LSAMP: variants seen among roughly 807,000 people sequenced by gnomAD.
LSAMP encodes the protein limbic system associated membrane protein, also known as limbic system-associated membrane protein.
A neutral mutation model predicts 38.6 loss-of-function variants in LSAMP; 7 were observed. That is an observed-to-expected ratio of 0.18 (90% confidence interval 0.10 to 0.34). The LOEUF (loss-of-function observed/expected upper bound fraction) is 0.34, where lower values mean the gene tolerates loss of function less well. LSAMP is among the 10% of genes least tolerant of loss of function. The probability of loss-of-function intolerance (pLI) is 1.00; values close to 1 mark genes in which losing one functional copy is unlikely to be tolerated. For synonymous variants in LSAMP, 154 were observed against 166.8 expected, an observed-to-expected ratio of 0.92 and a Z score of 0.59; for missense variants, 313 against 420.0, an observed-to-expected ratio of 0.75 and a Z score of 2.23.
chr3:116,391,945 A>G (rs1463662413), intron 1 of LSAMP, among the ~76,000 whole-genome samples: 1 of 151,868 alleles, frequency 6.6e-6, no homozygotes, highest in Non-Finnish European at 1.5e-5. Context: ...CAACCCTGAC[A>G]CTCCAAATGG....
intron 1 of LSAMP, among the ~76,000 whole-genome samples, chr3:116,260,877 T>C (rs992808073): frequency 3.3e-5 from 5 of 152,186 alleles, no homozygotes; most frequent in Non-Finnish European, 5.9e-5. Context: ...CTAAGTGCTT[T>C]TCCTTGAGTG....
At chr3:116,124,476 G>A (rs1317118717) in intron 1 of LSAMP, among the ~76,000 whole-genome samples, 1 of 152,068 alleles carries the variant, frequency 6.6e-6, no homozygotes, top group Non-Finnish European at 1.5e-5. Context: ...AGTCATTTGG[G>A]AAAAACCAAA....
At chr3:116,131,213 G>A (rs775400237) in intron 1 of LSAMP, among the ~76,000 whole-genome samples, 5 of 151,706 alleles carry the variant, frequency 3.3e-5, no homozygotes, top group Non-Finnish European at 5.9e-5. Flanking sequence ...GGATGGTCTC[G>A]ATCTCCTGAC....
At chr3:115,879,110 C>T (rs970718544) in intron 3 of LSAMP, among the ~76,000 whole-genome samples, 1 of 152,124 alleles carries the variant, frequency 6.6e-6, no homozygotes, top group African/African-American at 2.4e-5. Flanking sequence ...AAGTTTATGT[C>T]ATTATTACCA....
intron 1 of LSAMP, among the ~76,000 whole-genome samples, chr3:116,296,372 T>G (rs1488922381): frequency 1.3e-5 from 2 of 151,864 alleles, no homozygotes; most frequent in Non-Finnish European, 2.9e-5. Flanking sequence ...AGCAAGGGAG[T>G]GTCCAACAGG....
In LSAMP at chr3:116,135,989, A is replaced by G. The variant is rs149308114; in HGVS notation, c.156-49433T>C. Among the ~76,000 whole-genome samples, 1,218 of 152,262 alleles carry G rather than the reference A, an allele frequency of 8.0e-3. 14 individuals carry two copies. Among genetic ancestry groups the G allele is most frequent in the Middle Eastern group, 0.027 (8 of 294 alleles). On this transcript the variant is annotated intron_variant, in intron 1 of 6. Transcript: ENST00000490035. ...TACCCATGTTTGATGGCCTCACACA[A>G]GCAAGGTCCTTGTCTTAAGTAGCAC...
chr3:116,283,194 A>T (rs1203349785), intron 1 of LSAMP, among the ~76,000 whole-genome samples: 1 of 149,950 alleles, frequency 6.7e-6, no homozygotes, highest in Non-Finnish European at 1.5e-5. Flanking sequence ...GGAAAAAAAA[A>T]GTACCTAGAA....
intron 3 of LSAMP, among the ~76,000 whole-genome samples, chr3:115,932,545 A>G (rs1018290481): frequency 5.9e-5 from 9 of 152,234 alleles, no homozygotes; most frequent in African/African-American, 2.2e-4. Context: ...ATGTGAAGAG[A>G]AGAGAAACAG....
intron 1 of LSAMP, among the ~76,000 whole-genome samples, chr3:116,229,164 T>G (rs1361679118): frequency 6.6e-6 from 1 of 152,140 alleles, no homozygotes; most frequent in Non-Finnish European, 1.5e-5. Context: ...AGAAGTATAG[T>G]GTTATTCTAT....
intron 1 of LSAMP, among the ~76,000 whole-genome samples, chr3:116,291,282 A>G (rs2047263873): frequency 6.6e-6 from 1 of 152,172 alleles, no homozygotes; most frequent in African/African-American, 2.4e-5. Context: ...GAGTATAGCT[A>G]GGTCTTTGAG....
intron 3 of LSAMP, among the ~76,000 whole-genome samples, chr3:115,886,887 G>A (rs1936467927): frequency 6.6e-6 from 1 of 151,994 alleles, no homozygotes; most frequent in East Asian, 1.9e-4. Context: ...TGTTCAAATG[G>A]TTGAGTGTTT....
At chr3:115,861,818 TTTAGC>T (rs1298257548) in intron 3 of LSAMP, among the ~76,000 whole-genome samples, 1 of 151,464 alleles carries the variant, frequency 6.6e-6, no homozygotes, top group Non-Finnish European at 1.5e-5. Flanking sequence ...GGTAAGAGAT[TTTAGC>T]TAACTGTGGA....
At chr3:116,174,756 C>T (rs962845090) in intron 1 of LSAMP, among the ~76,000 whole-genome samples, 11 of 152,000 alleles carry the variant, frequency 7.2e-5, no homozygotes, top group Non-Finnish European at 2.9e-5. Flanking sequence ...CTCACTCAAT[C>T]CAAATCATGG....
intron 1 of LSAMP, among the ~76,000 whole-genome samples, chr3:116,115,343 A>G (rs917899206): frequency 6.6e-6 from 1 of 152,220 alleles, no homozygotes; most frequent in Non-Finnish European, 1.5e-5. Flanking sequence ...TAGGTACCCT[A>G]ATGATCCCCA....
At chr3:115,992,551 G>A (rs78114061) in intron 3 of LSAMP, among the ~76,000 whole-genome samples, 1 of 151,902 alleles carries the variant, frequency 6.6e-6, no homozygotes, top group African/African-American at 2.4e-5. Flanking sequence ...TGAAACCACA[G>A]AGTCAAATCT....
intron 2 of LSAMP, among the ~76,000 whole-genome samples, chr3:116,020,740 G>A (rs1940615653): frequency 6.6e-6 from 1 of 152,264 alleles, no homozygotes; most frequent in Admixed American, 6.5e-5. Context: ...CATCACAGAG[G>A]TTATGCACTG....
rs1456406548 is a variant in LSAMP at position 115,807,779 on chromosome 3, A to T, written c.*2538T>A. The T allele has an allele frequency of 3.7e-4, 56 of 152,334 alleles. No individual in the cohort carries two copies. The highest frequency in any genetic ancestry group is 1.3e-3 in the African/African-American group (55 of 41,576). 9.4% of individuals were successfully genotyped at this position (152,334 alleles called of 1,614,324 possible). A position where few individuals can be genotyped will look rare whatever the true frequency, so the allele number is the denominator to read the frequency against. On this transcript the variant is annotated 3_prime_UTR_variant, in exon 7 of 7. Coordinates refer to ENST00000490035, the MANE Select transcript of LSAMP (RefSeq NM_002338.5). ...CCTTTATTCTTGAACTAAGAAGACC[A>T]AACTGTTAAGAGAAATACCTGATTG...
intron 1 of LSAMP, among the ~76,000 whole-genome samples, chr3:116,371,115 T>C (rs895636733): frequency 4.6e-5 from 7 of 152,180 alleles, no homozygotes; most frequent in African/African-American, 1.7e-4. Context: ...CACTGGTGAA[T>C]GCTACCAAAC....
chr3:116,423,623 A>G (rs983168142), intron 1 of LSAMP, among the ~76,000 whole-genome samples: 3 of 152,200 alleles, frequency 2.0e-5, no homozygotes, highest in Non-Finnish European at 4.4e-5. Context: ...AACAGAAAAT[A>G]AATACACTGG....
Sources: allele counts gnomAD v4.1 joint callset (sites outside exome capture counted in the v4.1 genomes callset), GRCh38; gene constraint gnomAD v4.1.1; transcripts MANE v1.5; gene names NCBI Gene and HGNC (gene_info 2026-07-23, HGNC 2026-07-21).